SEPTIN11: variants seen among roughly 807,000 people sequenced by gnomAD.
SEPTIN11 encodes septin-11.
In SEPTIN11, 25 loss-of-function variants were observed where a neutral mutation model predicts 51.4. The observed-to-expected ratio is 0.49, with a 90% CI of 0.35 to 0.68. The LOEUF is 0.68. Ranked by LOEUF, SEPTIN11 falls within the 30% of genes least tolerant of loss-of-function variation. The pLI is 0.00. For missense variants in SEPTIN11, 381 were observed against 520.8 expected (o/e 0.73, Z 2.61); for synonymous variants, 174 against 184.1 (o/e 0.95, Z 0.44).
At chr4:77,023,331 TATATC>T (rs1318813698) in intron 7 of SEPTIN11, among the ~76,000 whole-genome samples, 4 of 147,296 alleles carry the variant, frequency 2.7e-5, no homozygotes, top group South Asian at 2.1e-4. Context: ...ATATATTAAT[TATATC>T]ATATATTACT....
chr4:76,980,783 C>T (rs1402319786), intron 1 of SEPTIN11, among the ~76,000 whole-genome samples: 1 of 152,170 alleles, frequency 6.6e-6, no homozygotes, highest in Non-Finnish European at 1.5e-5. Flanking sequence ...TGTTTAATGG[C>T]AGCCACCTGG....
chr4:76,974,077 T>A (rs1349779655), intron 1 of SEPTIN11, among the ~76,000 whole-genome samples: 2 of 152,220 alleles, frequency 1.3e-5, no homozygotes, highest in Non-Finnish European at 2.9e-5. Context: ...GCTTTGGATC[T>A]ATGCTTTTCC....
At chr4:76,978,261 C>T (rs1224974173) in intron 1 of SEPTIN11, among the ~76,000 whole-genome samples, 2 of 152,106 alleles carry the variant, frequency 1.3e-5, no homozygotes, top group Admixed American at 1.3e-4. Flanking sequence ...CTCTTGTTTC[C>T]TGCTGTTCCC....
At chr4:77,028,466 A>G (rs1726345168) in intron 7 of SEPTIN11, among the ~76,000 whole-genome samples, 163 bp from the exon 8 acceptor site, 1 of 152,214 alleles carries the variant, frequency 6.6e-6, no homozygotes, top group Non-Finnish European at 1.5e-5. Context: ...CTTTCCAACC[A>G]CAGCATAACT....
intron 1 of SEPTIN11, among the ~76,000 whole-genome samples, chr4:76,991,654 A>G (rs1723382709): frequency 6.6e-6 from 1 of 152,146 alleles, no homozygotes; most frequent in Non-Finnish European, 1.5e-5. Flanking sequence ...TAGCTTTCCT[A>G]AAAGGTACCC....
Position 77,028,767 on chromosome 4 carries a change from C to T in SEPTIN11, c.1086+6C>T, listed in dbSNP as rs1726377117. 1 of 1,609,084 alleles carries T rather than the reference C, an allele frequency of 6.2e-7. No individual in the cohort carries two copies. Among genetic ancestry groups the T allele is most frequent in the Admixed American group, 1.7e-5 (1 of 58,970 alleles). On this transcript the variant is annotated splice_donor_region_variant and intron_variant, in intron 8 of 9. Transcript: ENST00000264893. ...TTAAGGAGGCAGAGAAAGAGGTAAG[C>T]CATCTGTCCTGCTTCAAGGGAAAGA...
At chr4:76,974,973 AT>A in intron 1 of SEPTIN11, among the ~76,000 whole-genome samples, 1 of 152,020 alleles carries the variant, frequency 6.6e-6, no homozygotes. Context: ...AAATACAAAA[AT>A]TAGTCAGGTG....
chr4:76,955,799 T>C (rs534390642), intron 1 of SEPTIN11, among the ~76,000 whole-genome samples: 14 of 152,250 alleles, frequency 9.2e-5, no homozygotes, highest in African/African-American at 3.1e-4. Flanking sequence ...TGACAACATA[T>C]GACAACGACA....
intron 1 of SEPTIN11, among the ~76,000 whole-genome samples, chr4:76,958,600 A>T (rs1446391480): frequency 6.6e-6 from 1 of 152,182 alleles, no homozygotes; most frequent in Non-Finnish European, 1.5e-5. Flanking sequence ...CAAATAAGGG[A>T]GTATGAATGT....
chr4:76,960,592 GA>G, intron 1 of SEPTIN11, among the ~76,000 whole-genome samples: 1 of 152,306 alleles, frequency 6.6e-6, no homozygotes, highest in African/African-American at 2.4e-5. Context: ...GGGTGATGAA[GA>G]CTCTCATTGA....
At chr4:77,027,472 C>A (rs918382601) in intron 7 of SEPTIN11, among the ~76,000 whole-genome samples, 1 of 152,160 alleles carries the variant, frequency 6.6e-6, no homozygotes, top group Admixed American at 6.5e-5. Context: ...TTGTGTGGTT[C>A]ATTATAGATG....
At chr4:76,951,401 T>C (rs1044605781) in intron 1 of SEPTIN11, among the ~76,000 whole-genome samples, 4 of 152,210 alleles carry the variant, frequency 2.6e-5, no homozygotes, top group Admixed American at 2.0e-4. Context: ...TGCACATAAA[T>C]TGTGCTCTTG....
chr4:76,949,921 G>A lies in SEPTIN11; in HGVS notation c.18G>A (p.Gly6=). The A allele has an allele frequency of 1.3e-6, 2 of 1,528,434 alleles. No individual in the cohort carries two copies. Among genetic ancestry groups the A allele is most frequent in the Non-Finnish European group, 1.7e-6 (2 of 1,145,234 alleles). The allele number at this position is 1,528,434 out of a possible 1,614,324, so 94.7% of individuals were successfully genotyped here. ...CAGCTGCGATGGCCGTGGCCGTGGG[G>A]AGACCGTCTGTGAGTGCTGGGGCCT... The part of the protein sequence containing the change: MAVAV[G]RPSNEELRNL... The change falls in exon 1 of 10, where the codon GGG becomes GGA. Residue 6 remains glycine, a synonymous_variant. Transcript: ENST00000264893.
chr4:76,991,373 C>G (rs1723366520), intron 1 of SEPTIN11, among the ~76,000 whole-genome samples: 1 of 152,180 alleles, frequency 6.6e-6, no homozygotes, highest in Admixed American at 6.5e-5. Flanking sequence ...TGACTCTAAG[C>G]CTTTTGCTGC....
At chr4:76,970,392 T>A (rs1399093638) in intron 1 of SEPTIN11, among the ~76,000 whole-genome samples, 1 of 152,188 alleles carries the variant, frequency 6.6e-6, no homozygotes, top group Non-Finnish European at 1.5e-5. Flanking sequence ...AAAGTAATTG[T>A]GCAGTTACAG....
At chr4:76,957,412 C>CTA (rs1338846853) in intron 1 of SEPTIN11, among the ~76,000 whole-genome samples, 2 of 152,084 alleles carry the variant, frequency 1.3e-5, no homozygotes, top group African/African-American at 4.8e-5. Context: ...TGCTCCGGTT[C>CTA]TAGAGTATCG....
At chr4:77,030,181 A>G (rs1242405636) in intron 8 of SEPTIN11, among the ~76,000 whole-genome samples, 2 of 151,842 alleles carry the variant, frequency 1.3e-5, no homozygotes, top group African/African-American at 4.8e-5. Flanking sequence ...GCTTGAACCC[A>G]GGAGACAGAG....
chr4:76,964,888 T>C (rs1721967616), intron 1 of SEPTIN11, among the ~76,000 whole-genome samples: 1 of 152,220 alleles, frequency 6.6e-6, no homozygotes. Context: ...CATTTTAGTC[T>C]AGTCTCCTCA....
At chr4:76,986,408 G>A (rs1723030674) in intron 1 of SEPTIN11, among the ~76,000 whole-genome samples, 1 of 152,012 alleles carries the variant, frequency 6.6e-6, no homozygotes, top group Non-Finnish European at 1.5e-5. Context: ...CATGACAAAG[G>A]GAGTTGTTAG....
Sources: gnomAD v4.1 joint callset for allele counts (sites outside exome capture counted in the v4.1 genomes callset) on GRCh38, gnomAD v4.1.1 for gene constraint, MANE v1.5 for transcripts, NCBI Gene and HGNC (gene_info 2026-07-23, HGNC 2026-07-21) for gene names.